The following HMCN2 variants were observed in gnomAD, a reference collection of about 807,000 sequenced individuals.
HMCN2 encodes the protein hemicentin 2, also known as hemicentin-2.
A neutral mutation model predicts 377.5 loss-of-function variants in HMCN2; 325 were observed. That is an observed-to-expected ratio of 0.86 (90% CI 0.79 to 0.94). The LOEUF (loss-of-function observed/expected upper bound fraction) is 0.94. HMCN2 is among the 40% of genes least tolerant of loss of function. The pLI is 0.00. For missense variants in HMCN2, 4,543 were observed against 4,725.3 expected (o/e 0.96, Z 1.13); for synonymous variants, 2,007 against 2,046.8 (o/e 0.98, Z 0.53).
At chr9:130,416,064 G>A (rs1050591969) in intron 85 of HMCN2, among the ~76,000 whole-genome samples, 3 of 151,428 alleles carry the variant, frequency 2.0e-5, no homozygotes, top group Non-Finnish European at 2.9e-5. Context: ...AGGGCCAAAG[G>A]CTTCCACTGT....
At position 130,400,717 on chromosome 9, in the gene HMCN2, CT is replaced by C. The variant is rs1411147718; in HGVS notation, c.11606-65del. The C allele has an allele frequency of 1.4e-5, 16 of 1,183,884 alleles. No homozygotes were observed. The South Asian group carries it at 1.8e-4, about 13-fold the overall frequency. The allele number at this position is 1,183,884 out of a possible 1,614,324, so 73.3% of individuals were successfully genotyped here. The stretch of plus-strand genomic sequence containing the variant: ...TCACCTTGTGTACTAGCTTTACCCC[CT>C]GGCCCTGTGGCCGTGAGTGCCCTGT... On this transcript the variant is annotated intron_variant, in intron 76 of 97. Transcript: ENST00000683500.
At chr9:130,309,072 C>T (rs975597226) in intron 14 of HMCN2, among the ~76,000 whole-genome samples, 1 of 152,226 alleles carries the variant, frequency 6.6e-6, no homozygotes, top group Admixed American at 6.5e-5. Flanking sequence ...GCTGGCTGCA[C>T]ACCTAAAAGT....
At position 130,388,594 on chromosome 9, in the gene HMCN2, G is replaced by C. The variant is rs369188120; in HGVS notation, c.9523+54G>C. On this transcript the variant is annotated intron_variant, in intron 62 of 97. Coordinates refer to ENST00000683500, the MANE Select transcript of HMCN2 (RefSeq NM_001291815.2). ...CGTAAAGCATTCCTTTCTTTAATAA[G>C]ATGACAGCAGAAGCGGACGAAGGAA... is the stretch of plus-strand genomic sequence containing the variant. 9 of 984,204 alleles carry C rather than the reference G, an allele frequency of 9.1e-6. No individual in the cohort carries two copies. In the African/African-American group the frequency reaches 1.2e-4, roughly 13 times the overall value. The allele number at this position is 984,204 out of a possible 1,614,324, so 61.0% of individuals were successfully genotyped here. A position where few individuals can be genotyped will look rare whatever the true frequency, so the allele number is the denominator to read the frequency against.
intron 89 of HMCN2, 103 bp downstream of exon 89, chr9:130,425,233 A>G: frequency 7.7e-7 from 1 of 1,293,906 alleles, no homozygotes; most frequent in Non-Finnish European, 1.0e-6. Flanking sequence ...CTCCCTTCTG[A>G]CAGCGCTGCA....
intron 1 of HMCN2, among the ~76,000 whole-genome samples, chr9:130,279,756 A>T (rs909846851): frequency 3.3e-5 from 5 of 152,230 alleles, no homozygotes; most frequent in African/African-American, 7.2e-5. Context: ...GGGTAGAATG[A>T]TATCTTCCCA....
At chr9:130,410,147 T>G (rs1451692691) in intron 84 of HMCN2, among the ~76,000 whole-genome samples, 1 of 152,246 alleles carries the variant, frequency 6.6e-6, no homozygotes, top group Non-Finnish European at 1.5e-5. Context: ...CCTATAGTTA[T>G]TGATTTCCAA....
chr9:130,286,147 G>A (rs782806469), intron 3 of HMCN2, 41 bp from the exon 4 acceptor site: 5 of 468,720 alleles, frequency 1.1e-5, no homozygotes, highest in East Asian at 6.9e-5. Context: ...TGAAGCAGCC[G>A]GCCAGGGAAG....
chr9:130,392,456 G>A (rs1842367458), intron 66 of HMCN2, among the ~76,000 whole-genome samples: 1 of 152,186 alleles, frequency 6.6e-6, no homozygotes, highest in African/African-American at 2.4e-5. Context: ...AGGAGTGGTT[G>A]GGGCGAAAGG....
chr9:130,425,818 C>A lies in HMCN2; in HGVS notation c.13773C>A (p.Gly4591=), dbSNP rs1202791202. The stretch of plus-strand genomic sequence containing the variant: ...GCATCCAGTACAACGCGGCCCGGGG[C>A]CCCCAGCCCCAGCTGGTGCAGCACC... The part of the protein sequence containing the change: ...NHSIQYNAAR[G]PQPQLVQHLR... The change falls in exon 90 of 98, where the codon GGC becomes GGA. Residue 4591 remains glycine, a synonymous_variant. Coordinates refer to ENST00000683500, the MANE Select transcript of HMCN2 (RefSeq NM_001291815.2). 1.3e-6 allele frequency: 2 copies of A among 1,550,380 alleles called. No homozygotes were observed. Among genetic ancestry groups the A allele is most frequent in the East Asian group, 4.9e-5 (2 of 40,888 alleles).
chr9:130,300,365 G>T (rs74976298), intron 8 of HMCN2, among the ~76,000 whole-genome samples: 2,162 of 152,360 alleles, frequency 0.014, 37 homozygotes, highest in African/African-American at 0.035. Flanking sequence ...ACAGCAGTGG[G>T]CAGGGCAGAC....
chr9:130,427,257 C>G, intron 90 of HMCN2, 56 bp from the exon 91 acceptor site: 2 of 1,523,294 alleles, frequency 1.3e-6, no homozygotes, highest in Non-Finnish European at 1.8e-6. Flanking sequence ...ATGGCCAGGG[C>G]AGCCTTGGGA....
chr9:130,375,655 C>G lies in HMCN2; in HGVS notation c.7723C>G (p.Leu2575Val). The G allele has an allele frequency of 1.0e-6, 1 of 985,960 alleles. No individual in the cohort carries two copies. Among genetic ancestry groups the G allele is most frequent in the Non-Finnish European group, 1.2e-6 (1 of 829,998 alleles). 61.1% of individuals were successfully genotyped at this position (985,960 alleles called of 1,614,324 possible). A position where few individuals can be genotyped will look rare whatever the true frequency, so the allele number is the denominator to read the frequency against. The change falls in exon 50 of 98, where the codon CTG becomes GTG. Residue 2575 changes from leucine to valine, a missense_variant. Around this residue, in one of 5 missense-constraint regions of HMCN2, gnomAD observed 736 missense variants for 773.2 expected, o/e 0.95. Transcript: ENST00000683500. ...NNPISLICEA[L>V]AFPSPNITWM... ...CCCCATCTCTCTGATCTGCGAGGCC[C>G]TGGCCTTCCCTTCCCCCAACATCAC...
chr9:130,299,754 TTCACTCA>T (rs1836387321), intron 8 of HMCN2, among the ~76,000 whole-genome samples: 4 of 133,652 alleles, frequency 3.0e-5, no homozygotes, highest in African/African-American at 1.1e-4. Context: ...CACCCACCCA[TTCACTCA>T]CCTATCCATC....
chr9:130,401,974 G>A (rs1670494068), intron 77 of HMCN2, among the ~76,000 whole-genome samples: 1 of 152,190 alleles, frequency 6.6e-6, no homozygotes, highest in African/African-American at 2.4e-5. Flanking sequence ...CTGCTTGGGA[G>A]GCTGAGGTGG....
At chr9:130,285,828 C>T (rs1190489295) in intron 3 of HMCN2, among the ~76,000 whole-genome samples, 4 of 152,182 alleles carry the variant, frequency 2.6e-5, no homozygotes, top group Non-Finnish European at 2.9e-5. Context: ...TCTGCCGCCA[C>T]GTCTAGAACT....
chr9:130,309,389 C>T (rs782503847), intron 14 of HMCN2, among the ~76,000 whole-genome samples: 4 of 151,752 alleles, frequency 2.6e-5, no homozygotes, highest in Non-Finnish European at 5.9e-5. Flanking sequence ...GTGGTGTGTG[C>T]CTATAATCCC....
At position 130,306,548 on chromosome 9, in the gene HMCN2, A is replaced by G. The variant is rs1236851512; in HGVS notation, c.1959-263A>G. ...GGACCTGTGCCTGAGTCCCGTCCCC[A>G]CCATTCAGGCTGTGCCGACCTACGC... On this transcript the variant is annotated intron_variant, in intron 12 of 97. Transcript: ENST00000683500. 5.6e-5 allele frequency among the ~76,000 whole-genome samples: 6 copies of G among 106,606 alleles called. No homozygotes were observed. In the East Asian group the frequency reaches 7.7e-4, roughly 14 times the overall value. 69.9% of individuals were successfully genotyped at this position (106,606 alleles called of 152,430 possible). A position where few individuals can be genotyped will look rare whatever the true frequency, so the allele number is the denominator to read the frequency against.
intron 22 of HMCN2, among the ~76,000 whole-genome samples, chr9:130,328,586 T>C (rs1838266639): frequency 6.6e-6 from 1 of 152,082 alleles, no homozygotes; most frequent in South Asian, 2.1e-4. Flanking sequence ...CTGGCTTACA[T>C]TGTTTTATCT....
Position 130,397,614 on chromosome 9 carries a change from C to A in HMCN2, c.11285C>A (p.Ser3762Tyr), listed in dbSNP as rs1246663076. 7.8e-7 allele frequency: 1 copy of A among 1,289,744 alleles called. No individual in the cohort carries two copies. The highest frequency in any genetic ancestry group is 2.3e-5 in the Admixed American group (1 of 43,540). 79.9% of individuals were successfully genotyped at this position (1,289,744 alleles called of 1,614,324 possible). The change falls in exon 74 of 98, where the codon TCT becomes TAT. Residue 3762 changes from serine to tyrosine, a missense_variant. Around this residue, in one of 5 missense-constraint regions of HMCN2, gnomAD observed 1,073 missense variants for 1,319.5 expected, o/e 0.81. Coordinates refer to ENST00000683500, the MANE Select transcript of HMCN2 (RefSeq NM_001291815.2). The stretch of plus-strand genomic sequence containing the variant: ...CACTACCTCTGCCTGGCATCCAACT[C>A]TGCTGGCTCCGATCGTCAAGGCCGT... ...AGHYLCLASNSAGSDRQGRDL... is the reference protein window; with the variant it reads ...AGHYLCLASNYAGSDRQGRDL...
Sources: gnomAD v4.1 joint callset for allele counts (sites outside exome capture counted in the v4.1 genomes callset) on GRCh38, gnomAD v4.1.1 for gene constraint, gnomAD v4.1.1 regional missense constraint, MANE v1.5 for transcripts, NCBI Gene and HGNC (gene_info 2026-07-23, HGNC 2026-07-21) for gene names.